The following SMIM10L1 variants were observed in gnomAD, a reference collection of about 807,000 sequenced individuals.
SMIM10L1 encodes the protein small integral membrane protein 10-like protein 1.
In SMIM10L1, 6 loss-of-function variants were observed where a neutral mutation model predicts 4.5. That is an observed-to-expected ratio of 1.33 (90% CI 0.73 to 2.62). SMIM10L1 has a LOEUF of 2.62. Among genes scored for constraint, SMIM10L1 ranks in the 30% most tolerant of loss-of-function variants. The pLI is 0.00. For missense variants in SMIM10L1, 66 were observed against 86.2 expected, an observed-to-expected ratio of 0.77 and a Z score of 0.93; for synonymous variants, 49 against 42.2, an observed-to-expected ratio of 1.16 and a Z score of -0.63.
In SMIM10L1 at chr12:11,171,443, G is replaced by A; in HGVS notation, c.87G>A (p.Lys29=). ...CCACCTCGTACGGCGTCTTCTGCAAGGGGCTCTCCCGCACCCTGCTCGCCT... is the reference window on the plus strand; with the variant it reads ...CCACCTCGTACGGCGTCTTCTGCAAAGGGCTCTCCCGCACCCTGCTCGCCT... ...ATPTSYGVFC[K]GLSRTLLAFF... is the part of the protein sequence containing the mutation. Residue 29 remains lysine (K), a synonymous_variant, in exon 1 of 1, where the codon AAG becomes AAA. Coordinates refer to ENST00000622602, the MANE Select transcript of SMIM10L1 (RefSeq NM_001271592.2). 1 of 1,232,040 alleles carries A rather than the reference G, an allele frequency of 8.1e-7. No homozygotes were observed. The highest frequency in any genetic ancestry group is 3.1e-4 in the Middle Eastern group (1 of 3,208). 76.3% of individuals were successfully genotyped at this position (1,232,040 alleles called of 1,614,324 possible).
rs1169156073 is a variant in SMIM10L1 at position 11,173,370 on chromosome 12, A to T, written c.*1807A>T. On this transcript the variant is annotated 3_prime_UTR_variant, in exon 1 of 1. Coordinates refer to ENST00000622602, the MANE Select transcript of SMIM10L1 (RefSeq NM_001271592.2). ...AAGCTTAGGTGGCGCTTTTTCCATT[A>T]AATTTTTCCTGGATTCCACTGACCA... 1.3e-5 allele frequency: 2 copies of T among 152,158 alleles called. No individual in the cohort carries two copies. The highest frequency in any genetic ancestry group is 2.9e-5 in the Non-Finnish European group (2 of 68,000). The allele number at this position is 152,158 out of a possible 1,614,324, so 9.4% of individuals were successfully genotyped here. A position where few individuals can be genotyped will look rare whatever the true frequency, so the allele number is the denominator to read the frequency against.
In SMIM10L1 at chr12:11,172,679, A is replaced by G. The variant is rs1947881092; in HGVS notation, c.*1116A>G. The G allele has an allele frequency of 6.6e-6, 1 of 152,230 alleles. No homozygotes were observed. Among genetic ancestry groups the G allele is most frequent in the Non-Finnish European group, 1.5e-5 (1 of 68,036 alleles). 9.4% of individuals were successfully genotyped at this position (152,230 alleles called of 1,614,324 possible). On this transcript the variant is annotated 3_prime_UTR_variant, in exon 1 of 1. Transcript: ENST00000622602. ...CAGCCTAGAGAGCTTTCATTTTCCA[A>G]AGAGTGTGGGGATAAATTAGTGAAT...
rs769254937 is a variant in SMIM10L1 at position 11,175,012 on chromosome 12, ATAAT to A, written c.*3451_*3454del. 5.3e-5 allele frequency: 8 copies of A among 152,178 alleles called. No homozygotes were observed. The highest frequency in any genetic ancestry group is 1.0e-4 in the Non-Finnish European group (7 of 67,996). The allele number at this position is 152,178 out of a possible 1,614,324, so 9.4% of individuals were successfully genotyped here. A position where few individuals can be genotyped will look rare whatever the true frequency, so the allele number is the denominator to read the frequency against. ...TTCTTAAATGTGTAGATAATTACAAATAATTCTGTTTCTCAAATTTCTGGACAGA... is the reference window on the plus strand; with the variant it reads ...TTCTTAAATGTGTAGATAATTACAAATCTGTTTCTCAAATTTCTGGACAGA... On this transcript the variant is annotated 3_prime_UTR_variant, in exon 1 of 1. Coordinates refer to ENST00000622602, the MANE Select transcript of SMIM10L1 (RefSeq NM_001271592.2).
rs767395976 is a variant in SMIM10L1, at chr12:11,172,766, T to A, written c.*1203T>A. ...TTTTGAACGCTGAGAAAAATAAAAA[T>A]TTAAAAACTACACTGTATACACGGT... is the stretch of plus-strand genomic sequence containing the variant. On this transcript the variant is annotated 3_prime_UTR_variant, in exon 1 of 1. Transcript: ENST00000622602. 1 of 152,162 alleles carries A rather than the reference T, an allele frequency of 6.6e-6. No individual in the cohort carries two copies. Among genetic ancestry groups the A allele is most frequent in the Non-Finnish European group, 1.5e-5 (1 of 68,008 alleles). 9.4% of individuals were successfully genotyped at this position (152,162 alleles called of 1,614,324 possible). A position where few individuals can be genotyped will look rare whatever the true frequency, so the allele number is the denominator to read the frequency against.
rs1768107325 is a variant in SMIM10L1, at chr12:11,173,545, G to C, written c.*1982G>C. 6.6e-6 allele frequency: 1 copy of C among 152,184 alleles called. No individual in the cohort carries two copies. Among genetic ancestry groups the C allele is most frequent in the Non-Finnish European group, 1.5e-5 (1 of 68,022 alleles). 9.4% of individuals were successfully genotyped at this position (152,184 alleles called of 1,614,324 possible). On this transcript the variant is annotated 3_prime_UTR_variant, in exon 1 of 1. Transcript: ENST00000622602. ...AACATTTTAGTCTAAAATATCAGAA[G>C]TGTAGTTTAATCAATGAAATAGTAA...
Position 11,171,581 on chromosome 12 carries a change from C to G in SMIM10L1, c.*18C>G, listed in dbSNP as rs938471014. The G allele has an allele frequency of 4.1e-6, 5 of 1,230,658 alleles. No individual in the cohort carries two copies. Among genetic ancestry groups the G allele is most frequent in the Non-Finnish European group, 5.1e-6 (5 of 986,648 alleles). 76.2% of individuals were successfully genotyped at this position (1,230,658 alleles called of 1,614,324 possible). On this transcript the variant is annotated 3_prime_UTR_variant, in exon 1 of 1. Coordinates refer to ENST00000622602, the MANE Select transcript of SMIM10L1 (RefSeq NM_001271592.2). ...ATATTTAGAGCCATGACTAAGCTAA[C>G]GGCCTCCGGGGCCAGCATGATGGCC...
Position 11,172,789 on chromosome 12 carries a change from G to A in SMIM10L1, c.*1226G>A, listed in dbSNP as rs1044330345. On this transcript the variant is annotated 3_prime_UTR_variant, in exon 1 of 1. Coordinates refer to ENST00000622602, the MANE Select transcript of SMIM10L1 (RefSeq NM_001271592.2). ...AATTTAAAAACTACACTGTATACAC[G>A]GTATACCTCAACTGTGAATAATAGT... The A allele has an allele frequency of 6.6e-6, 1 of 152,060 alleles. No individual in the cohort carries two copies. Among genetic ancestry groups the A allele is most frequent in the African/African-American group, 2.4e-5 (1 of 41,390 alleles). 9.4% of individuals were successfully genotyped at this position (152,060 alleles called of 1,614,324 possible).
rs1367248551 is a variant in SMIM10L1, at chr12:11,175,892, A to T, written c.*4329A>T. On this transcript the variant is annotated 3_prime_UTR_variant, in exon 1 of 1. Transcript: ENST00000622602. ...CTTACCCCTTTTGCCATGTAAGGTT[A>T]TAGGGAAAAGTCATCTATGAACAAG... is the stretch of plus-strand genomic sequence containing the variant. 6.6e-6 allele frequency: 1 copy of T among 152,202 alleles called. No homozygotes were observed. The highest frequency in any genetic ancestry group is 2.4e-5 in the African/African-American group (1 of 41,456). 9.4% of individuals were successfully genotyped at this position (152,202 alleles called of 1,614,324 possible).
Position 11,171,204 on chromosome 12 carries a change from C to T in SMIM10L1, c.-153C>T, listed in dbSNP as rs1041509387. On this transcript the variant is annotated 5_prime_UTR_variant, in exon 1 of 1. Coordinates refer to ENST00000622602, the MANE Select transcript of SMIM10L1 (RefSeq NM_001271592.2). ...GCCAGCGGCGCCCGGGGCTACGCGC[C>T]GCACTGCACCGAGCGGCGGCAGCGG... 1.5e-4 allele frequency: 62 copies of T among 426,296 alleles called. No individual in the cohort carries two copies. The highest frequency in any genetic ancestry group is 2.7e-4 in the South Asian group (2 of 7,532). The allele number at this position is 426,296 out of a possible 1,614,324, so 26.4% of individuals were successfully genotyped here.
At position 11,174,823 on chromosome 12, in the gene SMIM10L1, G is replaced by A. The variant is rs565358855; in HGVS notation, c.*3260G>A. 1.3e-5 allele frequency: 2 copies of A among 152,244 alleles called. No homozygotes were observed. The highest frequency in any genetic ancestry group is 2.9e-5 in the Non-Finnish European group (2 of 67,940). The allele number at this position is 152,244 out of a possible 1,614,324, so 9.4% of individuals were successfully genotyped here. A position where few individuals can be genotyped will look rare whatever the true frequency, so the allele number is the denominator to read the frequency against. On this transcript the variant is annotated 3_prime_UTR_variant, in exon 1 of 1. Coordinates refer to ENST00000622602, the MANE Select transcript of SMIM10L1 (RefSeq NM_001271592.2). Reference sequence around the variant, plus strand: ...AAAACTATTTATATACATGAGCTCCGTAATTCTCACATATACCCTGTGAGG... The same window carrying A: ...AAAACTATTTATATACATGAGCTCCATAATTCTCACATATACCCTGTGAGG...
rs976639471 is a variant in SMIM10L1, at chr12:11,174,976, G to A, written c.*3413G>A. 1 of 152,282 alleles carries A rather than the reference G, an allele frequency of 6.6e-6. No individual in the cohort carries two copies. Among genetic ancestry groups the A allele is most frequent in the South Asian group, 2.1e-4 (1 of 4,820 alleles). The allele number at this position is 152,282 out of a possible 1,614,324, so 9.4% of individuals were successfully genotyped here. On this transcript the variant is annotated 3_prime_UTR_variant, in exon 1 of 1. Transcript: ENST00000622602. Reference sequence around the variant, plus strand: ...TAATTCCTAAAGTTATATTTCATAAGGAGTTCAATTTTCTTAAATGTGTAG... The same window carrying A: ...TAATTCCTAAAGTTATATTTCATAAAGAGTTCAATTTTCTTAAATGTGTAG...
chr12:11,171,720 CAG>C lies in SMIM10L1; in HGVS notation c.*158_*159del, dbSNP rs1947856593. ...CCTCTTAGCTGCTAGCGGAGCTCCT[CAG>C]GGGGCGGCCGGGAGCCTACAATCCC... is the stretch of plus-strand genomic sequence containing the variant. On this transcript the variant is annotated 3_prime_UTR_variant, in exon 1 of 1. Coordinates refer to ENST00000622602, the MANE Select transcript of SMIM10L1 (RefSeq NM_001271592.2). 2 of 465,168 alleles carry C rather than the reference CAG, an allele frequency of 4.3e-6. No homozygotes were observed. The highest frequency in any genetic ancestry group is 6.9e-6 in the Non-Finnish European group (2 of 288,420). 28.8% of individuals were successfully genotyped at this position (465,168 alleles called of 1,614,324 possible).
In SMIM10L1 at chr12:11,171,531, A is replaced by T. The variant is rs1947844842; in HGVS notation, c.175A>T (p.Ile59Phe). The T allele has an allele frequency of 8.1e-7, 1 of 1,232,182 alleles. No homozygotes were observed. Among genetic ancestry groups the T allele is most frequent in the African/African-American group, 1.6e-5 (1 of 64,496 alleles). The allele number at this position is 1,232,182 out of a possible 1,614,324, so 76.3% of individuals were successfully genotyped here. Reference protein sequence around the residue: ...FPYFYVAGSVILNIRLQVHI With the variant: ...FPYFYVAGSVFLNIRLQVHI ...GTACTTCTACGTCGCGGGCTCGGTG[A>T]TCCTCAACATCCGATTGCAGGTACA... Residue 59 changes from isoleucine (I) to phenylalanine (F), a missense_variant, in exon 1 of 1, where the codon ATC becomes TTC. Physicochemically the swap from Ile to Phe is conservative, Grantham distance 21. Coordinates refer to ENST00000622602, the MANE Select transcript of SMIM10L1 (RefSeq NM_001271592.2).
Position 11,171,676 on chromosome 12 carries a change from A to G in SMIM10L1, c.*113A>G. 2 of 773,138 alleles carry G rather than the reference A, an allele frequency of 2.6e-6. No individual in the cohort carries two copies. The highest frequency in any genetic ancestry group is 6.9e-5 in the South Asian group (1 of 14,522). The allele number at this position is 773,138 out of a possible 1,614,324, so 47.9% of individuals were successfully genotyped here. A position where few individuals can be genotyped will look rare whatever the true frequency, so the allele number is the denominator to read the frequency against. ...GCCCCACAGTCTCGCGAGAGTGCTCAGGCGCTCTTCGTGGCTGCCCTCTTA... is the reference window on the plus strand; with the variant it reads ...GCCCCACAGTCTCGCGAGAGTGCTCGGGCGCTCTTCGTGGCTGCCCTCTTA... On this transcript the variant is annotated 3_prime_UTR_variant, in exon 1 of 1. Transcript: ENST00000622602.
At position 11,175,477 on chromosome 12, in the gene SMIM10L1, T is replaced by A. The variant is rs1234539093; in HGVS notation, c.*3914T>A. 2.0e-5 allele frequency: 3 copies of A among 152,074 alleles called. No homozygotes were observed. The highest frequency in any genetic ancestry group is 4.4e-5 in the Non-Finnish European group (3 of 67,998). The allele number at this position is 152,074 out of a possible 1,614,324, so 9.4% of individuals were successfully genotyped here. A position where few individuals can be genotyped will look rare whatever the true frequency, so the allele number is the denominator to read the frequency against. On this transcript the variant is annotated 3_prime_UTR_variant, in exon 1 of 1. Coordinates refer to ENST00000622602, the MANE Select transcript of SMIM10L1 (RefSeq NM_001271592.2). Reference sequence around the variant, plus strand: ...AAGCATAAAGGGGTAGGATGAAAGTTGAGGAATATAGGGACAAAAGATGAG... The same window carrying A: ...AAGCATAAAGGGGTAGGATGAAAGTAGAGGAATATAGGGACAAAAGATGAG...
At position 11,171,249 on chromosome 12, in the gene SMIM10L1, G is replaced by A. The variant is rs11557132; in HGVS notation, c.-108G>A. 181,616 of 706,474 alleles carry A rather than the reference G, an allele frequency of 0.26. 23,573 individuals are homozygous for A. Among genetic ancestry groups the A allele is most frequent in the Non-Finnish European group, 0.27 (135,447 of 508,558 alleles). The allele number at this position is 706,474 out of a possible 1,614,324, so 43.8% of individuals were successfully genotyped here. On this transcript the variant is annotated 5_prime_UTR_variant, in exon 1 of 1. Transcript: ENST00000622602. Reference sequence around the variant, plus strand: ...CAGCGGCAAGCTTGGGTGTGAGCCCGGGAGCCGCTTTGCTTACCGTCCTGC... The same window carrying A: ...CAGCGGCAAGCTTGGGTGTGAGCCCAGGAGCCGCTTTGCTTACCGTCCTGC...
rs896236166 is a variant in SMIM10L1 at position 11,175,544 on chromosome 12, G to A, written c.*3981G>A. 2.6e-5 allele frequency: 4 copies of A among 152,224 alleles called. No homozygotes were observed. Among genetic ancestry groups the A allele is most frequent in the African/African-American group, 9.7e-5 (4 of 41,450 alleles). 9.4% of individuals were successfully genotyped at this position (152,224 alleles called of 1,614,324 possible). A position where few individuals can be genotyped will look rare whatever the true frequency, so the allele number is the denominator to read the frequency against. On this transcript the variant is annotated 3_prime_UTR_variant, in exon 1 of 1. Coordinates refer to ENST00000622602, the MANE Select transcript of SMIM10L1 (RefSeq NM_001271592.2). ...ATACTTGGAAGTTTGAGCATGGAAA[G>A]TAGTCTAAAGACGACTTGGGAAGTT...
In SMIM10L1 at chr12:11,174,679, AGTT is replaced by A. The variant is rs1345956594; in HGVS notation, c.*3120_*3122del. 1.5e-4 allele frequency: 12 copies of A among 80,278 alleles called. No individual in the cohort carries two copies. The highest frequency in any genetic ancestry group is 3.5e-4 in the African/African-American group (12 of 34,062). 5.0% of individuals were successfully genotyped at this position (80,278 alleles called of 1,614,324 possible). ...TATGTAACCTAAGGGATAGGGGAAA[AGTT>A]GTTTTTTTTTTTTTAATTCTGGGTA... On this transcript the variant is annotated 3_prime_UTR_variant, in exon 1 of 1. Transcript: ENST00000622602.
In SMIM10L1 at chr12:11,175,643, A is replaced by G. The variant is rs142166767; in HGVS notation, c.*4080A>G. The G allele has an allele frequency of 1.3e-5, 2 of 152,318 alleles. No homozygotes were observed. Among genetic ancestry groups the G allele is most frequent in the Non-Finnish European group, 2.9e-5 (2 of 68,038 alleles). 9.4% of individuals were successfully genotyped at this position (152,318 alleles called of 1,614,324 possible). A position where few individuals can be genotyped will look rare whatever the true frequency, so the allele number is the denominator to read the frequency against. On this transcript the variant is annotated 3_prime_UTR_variant, in exon 1 of 1. Coordinates refer to ENST00000622602, the MANE Select transcript of SMIM10L1 (RefSeq NM_001271592.2). ...CCCAACAATTGGGTTGGATTGATTC[A>G]TATTAGTCTATTACTTGGGTTACCT...
Sources: allele counts gnomAD v4.1 joint callset, GRCh38; gene constraint gnomAD v4.1.1; transcripts MANE v1.5; gene names NCBI Gene and HGNC (gene_info 2026-07-23, HGNC 2026-07-21).